EIF4G3: variants seen among roughly 807,000 people sequenced by gnomAD.
EIF4G3 encodes the protein eukaryotic translation initiation factor 4 gamma 3.
A neutral mutation model predicts 186.4 loss-of-function variants in EIF4G3; 34 were observed. The observed-to-expected ratio is 0.18, with a 90% confidence interval of 0.14 to 0.24. EIF4G3 has a LOEUF of 0.24. Ranked by LOEUF, EIF4G3 falls within the 10% of genes least tolerant of loss-of-function variation. The pLI is 1.00. For synonymous variants in EIF4G3, 673 were observed against 679.5 expected (o/e 0.99, Z 0.15); for missense variants, 1,536 against 1,948.5 (o/e 0.79, Z 3.99).
chr1:21,144,972 A>G (rs1351847347), intron 2 of EIF4G3, among the ~76,000 whole-genome samples: 1 of 152,176 alleles, frequency 6.6e-6, no homozygotes, highest in Non-Finnish European at 1.5e-5. Flanking sequence ...TCTGCTAGCT[A>G]GAGTAATAAC....
In EIF4G3 at chr1:21,085,003, G is replaced by A. The variant is rs1011164945; in HGVS notation, c.-196+4135C>T. Reference sequence around the variant, plus strand: ...AAAAGCTTAAGCTTAAGTATTCAATGCTGAGTGATTAAATTCTTTTATAAT... The same window carrying A: ...AAAAGCTTAAGCTTAAGTATTCAATACTGAGTGATTAAATTCTTTTATAAT... On this transcript the variant is annotated intron_variant, in intron 3 of 36. Transcript: ENST00000602326. Among the ~76,000 whole-genome samples, 8 of 151,698 alleles carry A rather than the reference G, an allele frequency of 5.3e-5. No individual in the cohort carries two copies. The South Asian group carries it at 1.7e-3, about 32-fold the overall frequency.
rs568292237 is a variant in EIF4G3 at position 21,159,140 on chromosome 1, A to G, written c.-272+17035T>C. Among the ~76,000 whole-genome samples the G allele has an allele frequency of 3.3e-5, 5 of 152,322 alleles. No homozygotes were observed. In the East Asian group the frequency reaches 9.6e-4, roughly 29 times the overall value. On this transcript the variant is annotated intron_variant, in intron 2 of 36. Coordinates refer to ENST00000602326, the MANE Select transcript of EIF4G3 (RefSeq NM_001391906.1). ...TCAGATGTTGGCAAAGCTTAAAAAT[A>G]AAAAAACAAGGGCTGGGTGCAGTGG...
intron 12 of EIF4G3, among the ~76,000 whole-genome samples, chr1:20,966,356 GTCT>G (rs546386867): frequency 4.2e-3 from 631 of 150,850 alleles, no homozygotes; most frequent in Non-Finnish European, 6.4e-3. Context: ...AATCTAATGA[GTCT>G]TCTTTGGCTG....
intron 4 of EIF4G3, among the ~76,000 whole-genome samples, chr1:21,038,813 C>T (rs893354226): frequency 1.3e-5 from 2 of 152,080 alleles, no homozygotes; most frequent in Non-Finnish European, 2.9e-5. Flanking sequence ...CATCTTAATT[C>T]CACTCTCAAG....
intron 14 of EIF4G3, among the ~76,000 whole-genome samples, chr1:20,920,884 G>C (rs756470079): frequency 2.0e-5 from 3 of 152,190 alleles, no homozygotes; most frequent in Non-Finnish European, 1.5e-5. Context: ...TCCATTTATA[G>C]AGAAAGCTAA....
intron 12 of EIF4G3, among the ~76,000 whole-genome samples, chr1:20,960,794 T>C (rs1294349717): frequency 6.6e-6 from 1 of 151,990 alleles, no homozygotes; most frequent in African/African-American, 2.4e-5. Context: ...AACAATTCCG[T>C]ATGACAGAAG....
At chr1:21,067,398 G>T (rs2095285627) in intron 3 of EIF4G3, among the ~76,000 whole-genome samples, 2 of 151,958 alleles carry the variant, frequency 1.3e-5, no homozygotes, top group African/African-American at 4.8e-5. Context: ...CTCCTAAAGT[G>T]CTAGGATTAC....
intron 12 of EIF4G3, among the ~76,000 whole-genome samples, chr1:20,966,612 C>T (rs2074733695): frequency 6.6e-6 from 1 of 151,932 alleles, no homozygotes; most frequent in South Asian, 2.1e-4. Context: ...GCTGGGATTA[C>T]AGGTGCCTGC....
rs550968215 is a variant in EIF4G3 at position 20,878,583 on chromosome 1, T to G, written c.2622+740A>C. On this transcript the variant is annotated intron_variant, in intron 20 of 36. Coordinates refer to ENST00000602326, the MANE Select transcript of EIF4G3 (RefSeq NM_001391906.1). Reference sequence around the variant, plus strand: ...ATTGGTAGAATGAGAGAATTTTGCATTTTCATAGCTTGTTTCTAAGCAGCA... The same window carrying G: ...ATTGGTAGAATGAGAGAATTTTGCAGTTTCATAGCTTGTTTCTAAGCAGCA... Among the ~76,000 whole-genome samples the G allele has an allele frequency of 8.4e-4, 128 of 152,284 alleles. 1 individual carries two copies. Among genetic ancestry groups the G allele is most frequent in the African/African-American group, 3.0e-3 (124 of 41,560 alleles).
At chr1:21,054,467 A>T (rs1353034288) in intron 3 of EIF4G3, among the ~76,000 whole-genome samples, 7 of 145,116 alleles carry the variant, frequency 4.8e-5, no homozygotes, top group African/African-American at 1.0e-4. Context: ...AATGATCAAT[A>T]AAAAAAAAAA....
At chr1:20,822,911 A>T (rs1222811420) in intron 33 of EIF4G3, among the ~76,000 whole-genome samples, 1 of 152,046 alleles carries the variant, frequency 6.6e-6, no homozygotes, top group African/African-American at 2.4e-5. Flanking sequence ...CATTGCCCTA[A>T]TTCTTAAAGG....
intron 4 of EIF4G3, among the ~76,000 whole-genome samples, chr1:21,016,981 A>G (rs12079304): frequency 6.6e-6 from 1 of 152,018 alleles, no homozygotes; most frequent in African/African-American, 2.4e-5. Flanking sequence ...AAACAAAACA[A>G]AACGAAACAA....
At chr1:20,835,647 G>A (rs1021627588) in intron 30 of EIF4G3, among the ~76,000 whole-genome samples, 3 of 152,004 alleles carry the variant, frequency 2.0e-5, no homozygotes, top group African/African-American at 7.2e-5. Context: ...AACAAATCAA[G>A]ACTGAATCAT....
chr1:21,158,965 G>T (rs1470751288), intron 2 of EIF4G3, among the ~76,000 whole-genome samples: 1 of 149,934 alleles, frequency 6.7e-6, no homozygotes, highest in African/African-American at 2.5e-5. Context: ...AAGGCCTTCA[G>T]ATTTGAGGCA....
intron 2 of EIF4G3, among the ~76,000 whole-genome samples, chr1:21,125,771 T>TACACACACAC (rs59291288): frequency 5.5e-5 from 8 of 146,168 alleles, no homozygotes; most frequent in African/African-American, 1.8e-4. Flanking sequence ...TATATATATA[T>TACACACACAC]ACACACACAC....
intron 14 of EIF4G3, among the ~76,000 whole-genome samples, chr1:20,916,401 C>T (rs568022723): frequency 1.1e-4 from 17 of 151,460 alleles, no homozygotes; most frequent in African/African-American, 3.6e-4. Context: ...GAGCCGAGAT[C>T]GTGCCATTGC....
chr1:20,822,846 A>G (rs2062752992), intron 33 of EIF4G3, among the ~76,000 whole-genome samples: 1 of 151,916 alleles, frequency 6.6e-6, no homozygotes, highest in Non-Finnish European at 1.5e-5. Context: ...ATCATGTTTG[A>G]TTTCTTCTTT....
chr1:20,964,685 C>A (rs1209498653), intron 12 of EIF4G3, among the ~76,000 whole-genome samples: 1 of 152,092 alleles, frequency 6.6e-6, no homozygotes, highest in Non-Finnish European at 1.5e-5. Flanking sequence ...TTTTTGAAAC[C>A]CTTTCACATT....
intron 9 of EIF4G3, 127 bp from the exon 10 acceptor site, chr1:20,980,575 G>A (rs1558542197): frequency 1.6e-6 from 1 of 636,330 alleles, no homozygotes; most frequent in East Asian, 3.3e-5. Flanking sequence ...TCATTTAAAT[G>A]AGGTAAAGCG....
Sources: allele counts gnomAD v4.1 joint callset (sites outside exome capture counted in the v4.1 genomes callset), GRCh38; gene constraint gnomAD v4.1.1; transcripts MANE v1.5; gene names NCBI Gene and HGNC (gene_info 2026-07-23, HGNC 2026-07-21).